LRMDA: variants seen among roughly 807,000 people sequenced by gnomAD.
LRMDA encodes leucine rich melanocyte differentiation associated.
In LRMDA, 18 loss-of-function variants were observed where a neutral mutation model predicts 29.8. That is an observed-to-expected ratio of 0.60 (90% CI 0.42 to 0.90). The LOEUF is 0.90. Ranked by LOEUF, LRMDA falls within the 40% of genes least tolerant of loss-of-function variation. The pLI, the probability that LRMDA is intolerant of heterozygous loss-of-function variation, is 0.00. For missense variants in LRMDA, 273 were observed against 273.9 expected (o/e 1.00, Z 0.02); for synonymous variants, 125 against 109.4 (o/e 1.14, Z -0.89).
intron 6 of LRMDA, among the ~76,000 whole-genome samples, chr10:76,454,699 C>G (rs1318903737): frequency 6.6e-6 from 1 of 150,620 alleles, no homozygotes; most frequent in Non-Finnish European, 1.5e-5. Flanking sequence ...GTGGATTCCC[C>G]TGTTGTGCCC....
chr10:75,562,623 C>T (rs1391373880), intron 2 of LRMDA, among the ~76,000 whole-genome samples: 2 of 152,050 alleles, frequency 1.3e-5, no homozygotes. Context: ...TCTTCCTAGC[C>T]TCGATGGTCT....
At chr10:76,368,992 C>T (rs1476427054) in intron 6 of LRMDA, among the ~76,000 whole-genome samples, 1 of 152,036 alleles carries the variant, frequency 6.6e-6, no homozygotes, top group Non-Finnish European at 1.5e-5. Flanking sequence ...TATGTGAGTT[C>T]TTATGTGTTG....
chr10:76,053,724 T>A (rs1848566833), intron 4 of LRMDA, among the ~76,000 whole-genome samples: 1 of 152,152 alleles, frequency 6.6e-6, no homozygotes, highest in African/African-American at 2.4e-5. Flanking sequence ...CTGGGTTCTG[T>A]GCACTGCAGG....
intron 5 of LRMDA, among the ~76,000 whole-genome samples, chr10:76,288,618 A>G (rs1840301642): frequency 6.6e-6 from 1 of 152,224 alleles, no homozygotes; most frequent in Admixed American, 6.5e-5. Flanking sequence ...GTTGGGGCCT[A>G]GTGCAGGAGC....
At chr10:76,146,375 C>G (rs1850321100) in intron 5 of LRMDA, among the ~76,000 whole-genome samples, 2 of 151,740 alleles carry the variant, frequency 1.3e-5, no homozygotes, top group African/African-American at 4.8e-5. Context: ...CTGGGTGCTC[C>G]TGTATTGGGT....
intron 6 of LRMDA, among the ~76,000 whole-genome samples, chr10:76,488,652 A>G (rs560675054): frequency 6.6e-6 from 1 of 152,040 alleles, no homozygotes; most frequent in African/African-American, 2.4e-5. Flanking sequence ...CACATGGTAC[A>G]TTTACATTTA....
chr10:76,435,725 G>T (rs1842238162), intron 6 of LRMDA, among the ~76,000 whole-genome samples: 1 of 152,112 alleles, frequency 6.6e-6, no homozygotes, highest in South Asian at 2.1e-4. Context: ...GCTCATAGAG[G>T]GGTTGGTGCT....
chr10:75,931,142 A>G (rs1042194794), intron 2 of LRMDA, among the ~76,000 whole-genome samples: 5 of 152,194 alleles, frequency 3.3e-5, no homozygotes, highest in African/African-American at 1.2e-4. Context: ...TCTAAAAACA[A>G]GTTGAAAAAC....
intron 5 of LRMDA, among the ~76,000 whole-genome samples, chr10:76,164,774 T>G (rs1850706015): frequency 6.6e-6 from 1 of 152,206 alleles, no homozygotes; most frequent in African/African-American, 2.4e-5. Context: ...ATTTAATTTT[T>G]AGCCTTGAAA....
chr10:75,576,016 A>G (rs1047688067), intron 2 of LRMDA, among the ~76,000 whole-genome samples: 1 of 151,530 alleles, frequency 6.6e-6, no homozygotes, highest in Admixed American at 6.6e-5. Context: ...CCAGTGAGAC[A>G]GAACCATTCA....
intron 2 of LRMDA, among the ~76,000 whole-genome samples, chr10:75,550,856 T>C (rs1840133267): frequency 6.6e-6 from 1 of 152,112 alleles, no homozygotes; most frequent in South Asian, 2.1e-4. Flanking sequence ...GGGTGTACAG[T>C]ATATATATTT....
At chr10:76,090,984 TTG>T (rs1265384157) in intron 5 of LRMDA, among the ~76,000 whole-genome samples, 1 of 152,220 alleles carries the variant, frequency 6.6e-6, no homozygotes, top group Non-Finnish European at 1.5e-5. Context: ...ATGGTAAATT[TTG>T]TGTTATGTGT....
At chr10:76,301,767 C>A (rs1840483290) in intron 5 of LRMDA, among the ~76,000 whole-genome samples, 1 of 152,114 alleles carries the variant, frequency 6.6e-6, no homozygotes, top group African/African-American at 2.4e-5. Context: ...AAAATAGGAG[C>A]TATATGGGAT....
intron 5 of LRMDA, among the ~76,000 whole-genome samples, chr10:76,225,427 A>AT (rs1380725602): frequency 6.6e-6 from 1 of 151,992 alleles, no homozygotes; most frequent in Non-Finnish European, 1.5e-5. Flanking sequence ...AAAAAAAAAA[A>AT]GAAAAGATAT....
At chr10:76,055,790 C>A (rs1848604926) in intron 4 of LRMDA, among the ~76,000 whole-genome samples, 1 of 152,244 alleles carries the variant, frequency 6.6e-6, no homozygotes, top group Non-Finnish European at 1.5e-5. Context: ...ACTGCAGGCA[C>A]TGGGGAACGT....
intron 2 of LRMDA, among the ~76,000 whole-genome samples, chr10:75,440,817 C>T (rs1365816017): frequency 1.3e-5 from 2 of 152,166 alleles, no homozygotes; most frequent in Non-Finnish European, 2.9e-5. Context: ...GGGCAAATCA[C>T]CTGAGGTCAG....
At chr10:76,013,542 G>A (rs913439190) in intron 2 of LRMDA, among the ~76,000 whole-genome samples, 52 of 152,158 alleles carry the variant, frequency 3.4e-4, no homozygotes, top group African/African-American at 9.4e-4. Flanking sequence ...GAAAGTGAGG[G>A]CCTTTGGTTG....
At chr10:75,484,029 C>T (rs191859928) in intron 2 of LRMDA, among the ~76,000 whole-genome samples, 147 of 152,182 alleles carry the variant, frequency 9.7e-4, no homozygotes, top group Non-Finnish European at 1.8e-3. Flanking sequence ...GACCATGGCT[C>T]GCTGCAACCT....
chr10:76,361,964 G>A (rs1484879928), intron 6 of LRMDA, among the ~76,000 whole-genome samples: 1 of 152,134 alleles, frequency 6.6e-6, no homozygotes, highest in East Asian at 1.9e-4. Context: ...TATTATCTCT[G>A]TTCTTCTGGG....
Sources: allele counts gnomAD v4.1 joint callset (sites outside exome capture counted in the v4.1 genomes callset), GRCh38; gene constraint gnomAD v4.1.1; transcripts MANE v1.5; gene names NCBI Gene and HGNC (gene_info 2026-07-23, HGNC 2026-07-21).